Variants in TMEM108 observed in about 807,000 individuals in gnomAD.
TMEM108 encodes cancer/testis antigen 124.
Under a neutral mutation model 35.1 loss-of-function variants are expected in TMEM108, and 12 were observed. That is an observed-to-expected ratio of 0.34 (90% confidence interval 0.22 to 0.55). TMEM108 has a LOEUF of 0.55. Ranked by LOEUF, TMEM108 falls within the 20% of genes least tolerant of loss-of-function variation. The pLI is 0.89. For missense variants in TMEM108, 680 were observed against 753.3 expected, an observed-to-expected ratio of 0.90 and a Z score of 1.14; for synonymous variants, 287 against 308.6, an observed-to-expected ratio of 0.93 and a Z score of 0.73.
chr3:133,310,148 T>C (rs1297902765), intron 3 of TMEM108, among the ~76,000 whole-genome samples: 1 of 152,180 alleles, frequency 6.6e-6, no homozygotes, highest in African/African-American at 2.4e-5. Flanking sequence ...AGAGTAAGTG[T>C]GATGTAGTGC....
intron 2 of TMEM108, among the ~76,000 whole-genome samples, chr3:133,117,006 G>C (rs1011494768): frequency 3.9e-5 from 6 of 152,180 alleles, no homozygotes; most frequent in Non-Finnish European, 7.3e-5. Flanking sequence ...CCAACCTCAG[G>C]TGATCCACCC....
chr3:133,218,516 A>C (rs547061962), intron 2 of TMEM108, among the ~76,000 whole-genome samples: 1 of 151,984 alleles, frequency 6.6e-6, no homozygotes, highest in East Asian at 1.9e-4. Flanking sequence ...ACATTGTTGC[A>C]TATGTTAGCT....
intron 5 of TMEM108, among the ~76,000 whole-genome samples, chr3:133,392,319 C>T (rs1043931147): frequency 5.3e-5 from 8 of 152,034 alleles, no homozygotes; most frequent in African/African-American, 1.4e-4. Context: ...CACGCGACCA[C>T]GCCCGGCTAA....
intron 3 of TMEM108, among the ~76,000 whole-genome samples, chr3:133,282,741 T>G (rs769526790): frequency 1.3e-5 from 2 of 152,184 alleles, no homozygotes; most frequent in Non-Finnish European, 2.9e-5. Context: ...TGCCTCTTTA[T>G]GAAAGGTGAA....
At chr3:133,094,266 G>C (rs1320182454) in intron 2 of TMEM108, among the ~76,000 whole-genome samples, 2 of 116,326 alleles carry the variant, frequency 1.7e-5, no homozygotes, top group Non-Finnish European at 3.3e-5. Flanking sequence ...CTGCTGACCA[G>C]GTTGATAACC....
At chr3:133,305,067 G>C (rs558920012) in intron 3 of TMEM108, among the ~76,000 whole-genome samples, 6 of 152,164 alleles carry the variant, frequency 3.9e-5, no homozygotes, top group African/African-American at 1.4e-4. Context: ...CCAGGCAACA[G>C]AGCGAGACTC....
At chr3:133,190,270 C>A (rs190709142) in intron 2 of TMEM108, among the ~76,000 whole-genome samples, 14 of 152,212 alleles carry the variant, frequency 9.2e-5, no homozygotes, top group Admixed American at 5.2e-4. Flanking sequence ...AAGGTAAAGG[C>A]CTTTAGGACT....
At chr3:133,314,659 T>C (rs1291826724) in intron 3 of TMEM108, among the ~76,000 whole-genome samples, 1 of 152,220 alleles carries the variant, frequency 6.6e-6, no homozygotes, top group Non-Finnish European at 1.5e-5. Flanking sequence ...GTCCCTCAGA[T>C]GTCTATGATT....
In TMEM108 at chr3:133,386,121, G is replaced by A. The variant is rs370277023; in HGVS notation, c.1451-4059G>A. Among the ~76,000 whole-genome samples, 21 of 152,320 alleles carry A rather than the reference G, an allele frequency of 1.4e-4. No homozygotes were observed. In the East Asian group the frequency reaches 4.0e-3, roughly 29 times the overall value. On this transcript the variant is annotated intron_variant, in intron 4 of 5. Coordinates refer to ENST00000321871, the MANE Select transcript of TMEM108 (RefSeq NM_023943.4). Reference sequence around the variant, plus strand: ...ATTAGAGGGGTTCCATGTCCAGCAGGAACAGGCCTGCACTAGTACCCCTGT... The same window carrying A: ...ATTAGAGGGGTTCCATGTCCAGCAGAAACAGGCCTGCACTAGTACCCCTGT...
At chr3:133,063,579 G>A (rs1022010863) in intron 2 of TMEM108, among the ~76,000 whole-genome samples, 1 of 152,112 alleles carries the variant, frequency 6.6e-6, no homozygotes, top group Admixed American at 6.5e-5. Flanking sequence ...GTCAGGAAGA[G>A]GAATGGAAAG....
intron 2 of TMEM108, among the ~76,000 whole-genome samples, chr3:133,117,692 TAAG>T (rs1283602621): frequency 6.6e-6 from 1 of 152,168 alleles, no homozygotes; most frequent in African/African-American, 2.4e-5. Flanking sequence ...AAATACAAAG[TAAG>T]AAGACAGGAG....
chr3:133,336,586 C>T (rs1467085060), intron 3 of TMEM108, among the ~76,000 whole-genome samples: 1 of 152,172 alleles, frequency 6.6e-6, no homozygotes, highest in African/African-American at 2.4e-5. Flanking sequence ...CTCTGAGACT[C>T]ACTGGCTTCA....
chr3:133,174,861 G>C lies in TMEM108; in HGVS notation c.-46-54405G>C, dbSNP rs1340586905. On this transcript the variant is annotated intron_variant, in intron 2 of 5. Coordinates refer to ENST00000321871, the MANE Select transcript of TMEM108 (RefSeq NM_023943.4). ...GATGAGTTGAGAGAAGAAGGCTTCAGACAATCAAACTACTCCGAGCTAAAG... is the reference window on the plus strand; with the variant it reads ...GATGAGTTGAGAGAAGAAGGCTTCACACAATCAAACTACTCCGAGCTAAAG... Among the ~76,000 whole-genome samples, 4 of 152,054 alleles carry C rather than the reference G, an allele frequency of 2.6e-5. No homozygotes were observed. The South Asian group carries it at 8.3e-4, about 32-fold the overall frequency.
At chr3:133,108,374 G>A (rs537968658) in intron 2 of TMEM108, among the ~76,000 whole-genome samples, 40 of 152,258 alleles carry the variant, frequency 2.6e-4, no homozygotes, top group Admixed American at 2.4e-3. Context: ...GGCCAGTGAT[G>A]ATGAGCATTT....
chr3:133,323,900 C>T (rs1261282518), intron 3 of TMEM108, among the ~76,000 whole-genome samples: 1 of 152,008 alleles, frequency 6.6e-6, no homozygotes, highest in Non-Finnish European at 1.5e-5. Context: ...ATCTTCAACA[C>T]AGCAAACAAA....
At chr3:133,090,861 T>A (rs1181793556) in intron 2 of TMEM108, among the ~76,000 whole-genome samples, 1 of 152,176 alleles carries the variant, frequency 6.6e-6, no homozygotes, top group Non-Finnish European at 1.5e-5. Context: ...TTGAAAGTAT[T>A]CTATTATATG....
chr3:133,356,667 C>T (rs1458971979), intron 3 of TMEM108, among the ~76,000 whole-genome samples: 1 of 152,016 alleles, frequency 6.6e-6, no homozygotes, highest in Non-Finnish European at 1.5e-5. Context: ...GAAATAAAAC[C>T]AAATACCTAC....
intron 3 of TMEM108, among the ~76,000 whole-genome samples, chr3:133,280,248 G>A (rs1192793397): frequency 6.6e-6 from 1 of 152,046 alleles, no homozygotes; most frequent in Admixed American, 6.6e-5. Context: ...AAAATTACAC[G>A]GTTTTCACCC....
chr3:133,075,776 C>T (rs1559824652), intron 2 of TMEM108, among the ~76,000 whole-genome samples: 3 of 152,110 alleles, frequency 2.0e-5, no homozygotes, highest in African/African-American at 4.8e-5. Context: ...GAAGCTATTT[C>T]GCCCATCCTG....
Sources: gnomAD v4.1 joint callset for allele counts (sites outside exome capture counted in the v4.1 genomes callset) on GRCh38, gnomAD v4.1.1 for gene constraint, MANE v1.5 for transcripts, NCBI Gene and HGNC (gene_info 2026-07-23, HGNC 2026-07-21) for gene names.